The following ISM1 variants were observed in gnomAD, a reference collection of about 807,000 sequenced individuals.
ISM1 encodes isthmin 1.
ISM1 carries 25 observed loss-of-function variants against 46.3 expected under a neutral mutation model. The observed-to-expected ratio is 0.54, with a 90% CI of 0.39 to 0.75. The LOEUF (loss-of-function observed/expected upper bound fraction) is 0.75. Ranked by LOEUF, ISM1 falls within the 30% of genes least tolerant of loss-of-function variation. The probability of loss-of-function intolerance (pLI) is 0.00; values close to 1 mark genes in which losing one functional copy is unlikely to be tolerated. For missense variants in ISM1, 536 were observed against 625.4 expected, an observed-to-expected ratio of 0.86 and a Z score of 1.52; for synonymous variants, 255 against 256.7, an observed-to-expected ratio of 0.99 and a Z score of 0.06.
chr20:13,306,202 G>C, the ISM1 span, among the ~76,000 whole-genome samples: 2 of 152,234 alleles, frequency 1.3e-5, no homozygotes, highest in African/African-American at 2.4e-5. Flanking sequence ...TCAGCCAATT[G>C]CTTCAAGAAT....
At chr20:13,262,098 GACAGTT>G (rs1183550936) in intron 1 of ISM1, among the ~76,000 whole-genome samples, 1 of 152,220 alleles carries the variant, frequency 6.6e-6, no homozygotes, top group Non-Finnish European at 1.5e-5. Context: ...CCGAGTCCTA[GACAGTT>G]ACCACTCTGT....
the ISM1 span, among the ~76,000 whole-genome samples, chr20:13,308,025 C>A: frequency 6.6e-6 from 1 of 152,292 alleles, no homozygotes; most frequent in South Asian, 2.1e-4. Flanking sequence ...GGTGGACACT[C>A]CGTTTAGGAG....
At chr20:13,263,712 G>A (rs2040013830) in intron 1 of ISM1, among the ~76,000 whole-genome samples, 1 of 152,210 alleles carries the variant, frequency 6.6e-6, no homozygotes, top group South Asian at 2.1e-4. Flanking sequence ...AAGGCGCACA[G>A]CCATGTGCCT....
At chr20:13,225,048 T>C (rs1347294303) in intron 1 of ISM1, among the ~76,000 whole-genome samples, 4 of 146,450 alleles carry the variant, frequency 2.7e-5, no homozygotes, top group Non-Finnish European at 4.5e-5. Flanking sequence ...AGAGACGGGG[T>C]TTCACCGTGT....
chr20:13,287,251 G>A (rs548420026), intron 3 of ISM1, among the ~76,000 whole-genome samples: 1 of 152,198 alleles, frequency 6.6e-6, no homozygotes, highest in Non-Finnish European at 1.5e-5. Flanking sequence ...GGCAAAGGAA[G>A]AGCAAAGGGA....
At position 13,299,264 on chromosome 20, in the gene ISM1, G is replaced by A; in HGVS notation, c.1200G>A (p.Ala400=). 1 of 1,608,302 alleles carries A rather than the reference G, an allele frequency of 6.2e-7. No individual in the cohort carries two copies. Among genetic ancestry groups the A allele is most frequent in the Non-Finnish European group, 8.5e-7 (1 of 1,177,210 alleles). ...AGCTCATCACCAGGGGCAAGGGGGCGGGCACGCCCAACCTCATCAGCACCG... is the reference window on the plus strand; with the variant it reads ...AGCTCATCACCAGGGGCAAGGGGGCAGGCACGCCCAACCTCATCAGCACCG... ...NMQLITRGKG[A]GTPNLISTEF... is the part of the protein sequence containing the mutation. The change falls in exon 6 of 6, where the codon GCG becomes GCA. Residue 400 remains alanine, a synonymous_variant. Transcript: ENST00000262487. The surrounding 1 kb of genome is among the most constrained non-coding windows in gnomAD (Gnocchi z 5.8).
chr20:13,241,608 T>C (rs1161722278), intron 1 of ISM1, among the ~76,000 whole-genome samples: 1 of 152,176 alleles, frequency 6.6e-6, no homozygotes, highest in Non-Finnish European at 1.5e-5. Context: ...TACCATCTCA[T>C]GACTCCTGTT....
In ISM1 at chr20:13,270,542, C is replaced by G; in HGVS notation, c.177C>G (p.Thr59=). 1 of 1,613,754 alleles carries G rather than the reference C, an allele frequency of 6.2e-7. No homozygotes were observed. Among genetic ancestry groups the G allele is most frequent in the Non-Finnish European group, 8.5e-7 (1 of 1,179,790 alleles). The change falls in exon 2 of 6, where the codon ACC becomes ACG. Residue 59 remains threonine (T), a synonymous_variant. Coordinates refer to ENST00000262487, the MANE Select transcript of ISM1 (RefSeq NM_080826.2). ...TGGGAAGTGACACCACATCAGAAAC[C>G]AGCTTTTCTCTCTCCAAAGAAGCAC... ...LNVGSDTTSE[T]SFSLSKEAPR... is the part of the protein sequence containing the mutation.
intron 1 of ISM1, among the ~76,000 whole-genome samples, chr20:13,260,904 C>A (rs2039982165): frequency 6.6e-6 from 1 of 152,158 alleles, no homozygotes; most frequent in Admixed American, 6.5e-5. Context: ...GCTGGATGGT[C>A]TAGGACAGTC....
chr20:13,253,050 A>G (rs2039885156), intron 1 of ISM1, among the ~76,000 whole-genome samples: 1 of 152,188 alleles, frequency 6.6e-6, no homozygotes, highest in Admixed American at 6.5e-5. Context: ...TGGCTTAATT[A>G]GAGACAGACA....
In ISM1 at chr20:13,275,002, C is replaced by T. The variant is rs537109669; in HGVS notation, c.378+4259C>T. On this transcript the variant is annotated intron_variant, in intron 2 of 5. Transcript: ENST00000262487. ...CCCAGAACAAGTTAGACTTTGGTAT[C>T]CTTGGCTGGGTTTTCAGTCTGCAGC... Among the ~76,000 whole-genome samples, 5 of 152,190 alleles carry T rather than the reference C, an allele frequency of 3.3e-5. No individual in the cohort carries two copies. In the South Asian group the frequency reaches 1.0e-3, roughly 32 times the overall value.
In ISM1 at chr20:13,256,395, CAAAAAAA is replaced by C. The variant is rs559300861; in HGVS notation, c.139-14092_139-14086del. Among the ~76,000 whole-genome samples, 145 of 71,788 alleles carry C rather than the reference CAAAAAAA, an allele frequency of 2.0e-3. 1 individual carries two copies. The highest frequency in any genetic ancestry group is 3.2e-3 in the Non-Finnish European group (112 of 35,312). The allele number at this position is 71,788 out of a possible 152,430, so 47.1% of individuals were successfully genotyped here. A position where few individuals can be genotyped will look rare whatever the true frequency, so the allele number is the denominator to read the frequency against. Reference sequence around the variant, plus strand: ...TGGGCAACAGAGTGAGACCCCGTCTCAAAAAAAAAAAAAAAAAAAAAAAGATCCTCTA... The same window carrying C: ...TGGGCAACAGAGTGAGACCCCGTCTCAAAAAAAAAAAAAAAAGATCCTCTA... On this transcript the variant is annotated intron_variant, in intron 1 of 5. Transcript: ENST00000262487.
intron 4 of ISM1, among the ~76,000 whole-genome samples, chr20:13,290,613 G>T (rs1053319438): frequency 6.6e-6 from 1 of 152,168 alleles, no homozygotes; most frequent in South Asian, 2.1e-4. Flanking sequence ...AGCCGAGATC[G>T]GGCCACTGCA....
chr20:13,325,002 G>A, the ISM1 span, among the ~76,000 whole-genome samples: 1 of 152,176 alleles, frequency 6.6e-6, no homozygotes. Context: ...TATCCTGTTA[G>A]TGCAGCTATT....
At chr20:13,320,786 C>CA in the ISM1 span, among the ~76,000 whole-genome samples, 4 of 151,790 alleles carry the variant, frequency 2.6e-5, no homozygotes, top group African/African-American at 9.7e-5. Context: ...TTTCAGCTAG[C>CA]AAAAAAAGAG....
chr20:13,304,445 G>A (rs2040484162), downstream of ISM1, among the ~76,000 whole-genome samples: 1 of 152,110 alleles, frequency 6.6e-6, no homozygotes, highest in African/African-American at 2.4e-5. Context: ...CTATAAATTG[G>A]GGTAAGTCCA....
chr20:13,236,168 C>T (rs1039947495), intron 1 of ISM1, among the ~76,000 whole-genome samples: 1 of 152,124 alleles, frequency 6.6e-6, no homozygotes, highest in African/African-American at 2.4e-5. Flanking sequence ...TGTGATCCAC[C>T]CACCTCGGCC....
At chr20:13,293,654 G>C (rs760433413) in intron 5 of ISM1, among the ~76,000 whole-genome samples, 13 of 152,230 alleles carry the variant, frequency 8.5e-5, no homozygotes, top group Non-Finnish European at 1.8e-4. Context: ...AAAGTCTGGA[G>C]GAAAATAATG....
intron 1 of ISM1, among the ~76,000 whole-genome samples, chr20:13,241,719 G>A (rs527551177): frequency 6.6e-6 from 1 of 152,150 alleles, no homozygotes; most frequent in Non-Finnish European, 1.5e-5. Context: ...GTAAGGTTGT[G>A]AAGGAAGGGC....
Sources: gnomAD v4.1 joint callset for allele counts (sites outside exome capture counted in the v4.1 genomes callset) on GRCh38, gnomAD v4.1.1 for gene constraint, Gnocchi (gnomAD v3.1) non-coding constraint, MANE v1.5 for transcripts, NCBI Gene and HGNC (gene_info 2026-07-23, HGNC 2026-07-21) for gene names.